Variants in NR6A1 observed in about 807,000 individuals in gnomAD.
NR6A1 encodes nuclear receptor subfamily 6 group A member 1.
A neutral mutation model predicts 59.1 loss-of-function variants in NR6A1; 7 were observed. That is an observed-to-expected ratio of 0.12 (90% CI 0.07 to 0.22). The LOEUF (loss-of-function observed/expected upper bound fraction) is 0.22, where lower values mean the gene tolerates loss of function less well. Ranked by LOEUF, NR6A1 falls within the 10% of genes least tolerant of loss-of-function variation. The pLI, the probability that NR6A1 is intolerant of heterozygous loss-of-function variation, is 1.00. For missense variants in NR6A1, 468 were observed against 611.6 expected, an observed-to-expected ratio of 0.77 and a Z score of 2.48; for synonymous variants, 243 against 236.1, an observed-to-expected ratio of 1.03 and a Z score of -0.27.
In NR6A1 at chr9:124,604,122, G is replaced by A. The variant is rs1024340608; in HGVS notation, c.143-49552C>T. On this transcript the variant is annotated intron_variant, in intron 2 of 9. Coordinates refer to ENST00000487099, the MANE Select transcript of NR6A1 (RefSeq NM_033334.4). ...CCATTTTTATCCAACAAGAAATAAC[G>A]CACATAATCCCAATCTGAGTCAACT... is the stretch of plus-strand genomic sequence containing the variant. 2.6e-5 allele frequency among the ~76,000 whole-genome samples: 4 copies of A among 152,200 alleles called. No individual in the cohort carries two copies. In the South Asian group the frequency reaches 8.3e-4, roughly 32 times the overall value.
chr9:124,742,433 T>A (rs1840198897), intron 1 of NR6A1, among the ~76,000 whole-genome samples: 1 of 151,848 alleles, frequency 6.6e-6, no homozygotes, highest in East Asian at 1.9e-4. Flanking sequence ...TGGTGGCGCA[T>A]GCCTGTAATC....
In NR6A1 at chr9:124,668,286, CAA is replaced by C. The variant is rs200927599; in HGVS notation, c.142+65020_142+65021del. Among the ~76,000 whole-genome samples, 182 of 151,988 alleles carry C rather than the reference CAA, an allele frequency of 1.2e-3. 1 individual carries two copies. The East Asian group carries it at 0.032, about 27-fold the overall frequency. On this transcript the variant is annotated intron_variant, in intron 2 of 9. Transcript: ENST00000487099. ...CTCACTGCCTTCACACTGAGTAGGC[CAA>C]AGAGGAGGAGGAAGAGAAGGGGTTG...
At chr9:124,548,392 G>C (rs1355775485) in intron 3 of NR6A1, among the ~76,000 whole-genome samples, 1 of 152,164 alleles carries the variant, frequency 6.6e-6, no homozygotes, top group African/African-American at 2.4e-5. Flanking sequence ...TGAGGCGGGA[G>C]GATTGCTTGA....
At position 124,518,541 on chromosome 9, in the gene NR6A1, A is replaced by G. The variant is rs1376995068; in HGVS notation, c.*4164T>C. Reference sequence around the variant, plus strand: ...CTTGTCTCCAGGCTAACCAGTTTCCAACACTTGGTGGAATGACTGCCGTTT... The same window carrying G: ...CTTGTCTCCAGGCTAACCAGTTTCCGACACTTGGTGGAATGACTGCCGTTT... On this transcript the variant is annotated 3_prime_UTR_variant, in exon 10 of 10. Transcript: ENST00000487099. 1 of 152,098 alleles carries G rather than the reference A, an allele frequency of 6.6e-6. No individual in the cohort carries two copies. The highest frequency in any genetic ancestry group is 1.5e-5 in the Non-Finnish European group (1 of 68,026). The allele number at this position is 152,098 out of a possible 1,614,324, so 9.4% of individuals were successfully genotyped here.
intron 2 of NR6A1, among the ~76,000 whole-genome samples, chr9:124,584,610 G>C (rs1206361133): frequency 1.3e-5 from 2 of 151,996 alleles, no homozygotes; most frequent in Admixed American, 6.6e-5. Flanking sequence ...TAATTGTTTG[G>C]GGGTGCCACG....
intron 3 of NR6A1, among the ~76,000 whole-genome samples, chr9:124,551,039 C>T (rs970798497): frequency 5.3e-5 from 8 of 152,124 alleles, no homozygotes; most frequent in African/African-American, 1.7e-4. Flanking sequence ...CTTTGATATG[C>T]TTCCTTTCTT....
chr9:124,639,695 TC>T (rs35407711), intron 2 of NR6A1, among the ~76,000 whole-genome samples: 3,522 of 152,242 alleles, frequency 0.023, 111 homozygotes, highest in East Asian at 0.096. Flanking sequence ...GAAGAGTCTT[TC>T]AAGGAGGAGG....
At position 124,601,654 on chromosome 9, in the gene NR6A1, A is replaced by ATG. The variant is rs546891554; in HGVS notation, c.143-47085_143-47084insCA. Among the ~76,000 whole-genome samples the ATG allele has an allele frequency of 4.5e-3, 684 of 151,772 alleles. 6 individuals carry two copies. Among genetic ancestry groups the ATG allele is most frequent in the African/African-American group, 0.015 (638 of 41,454 alleles). On this transcript the variant is annotated intron_variant, in intron 2 of 9. Coordinates refer to ENST00000487099, the MANE Select transcript of NR6A1 (RefSeq NM_033334.4). ...AAGACTATATATAGACTATATATAT[A>ATG]AAGCATATATAGAGTATGCTTACAT...
intron 2 of NR6A1, among the ~76,000 whole-genome samples, chr9:124,662,416 T>C (rs1453702409): frequency 1.3e-5 from 2 of 152,168 alleles, no homozygotes; most frequent in Non-Finnish European, 2.9e-5. Flanking sequence ...CTCTGAAACT[T>C]AGTATCCTTA....
intron 1 of NR6A1, among the ~76,000 whole-genome samples, chr9:124,751,828 G>A (rs1365935382): frequency 6.6e-6 from 1 of 152,154 alleles, no homozygotes; most frequent in Non-Finnish European, 1.5e-5. Context: ...AAAGTACAAA[G>A]TGTTTCCATG....
At chr9:124,630,135 A>G (rs1188760484) in intron 2 of NR6A1, among the ~76,000 whole-genome samples, 2 of 152,042 alleles carry the variant, frequency 1.3e-5, no homozygotes, top group African/African-American at 4.8e-5. Context: ...TTATCATACA[A>G]TATCTAGAAT....
chr9:124,764,139 G>C (rs894451674), intron 1 of NR6A1, among the ~76,000 whole-genome samples: 2 of 150,576 alleles, frequency 1.3e-5, no homozygotes, highest in East Asian at 1.9e-4. Flanking sequence ...AGCAGAGATC[G>C]CACCGCTGCA....
chr9:124,710,907 C>T (rs1839260129), intron 2 of NR6A1, among the ~76,000 whole-genome samples: 1 of 152,146 alleles, frequency 6.6e-6, no homozygotes, highest in African/African-American at 2.4e-5. Context: ...AATTACAGTT[C>T]ATTCAGCATC....
At position 124,519,901 on chromosome 9, in the gene NR6A1, C is replaced by CAAAAAAAAAAAAAA. The variant is rs10639098; in HGVS notation, c.*2790_*2803dup. The CAAAAAAAAAAAAAA allele has an allele frequency of 8.4e-5, 2 of 23,902 alleles. No individual in the cohort carries two copies. Among genetic ancestry groups the CAAAAAAAAAAAAAA allele is most frequent in the African/African-American group, 2.6e-4 (2 of 7,650 alleles). The allele number at this position is 23,902 out of a possible 1,614,324, so 1.5% of individuals were successfully genotyped here. ...TGAGCGACAGAGCGAGACTCCGCCT[C>CAAAAAAAAAAAAAA]AAAAAAAAAAAAAAAAAAAAAAAAA... On this transcript the variant is annotated 3_prime_UTR_variant, in exon 10 of 10. Coordinates refer to ENST00000487099, the MANE Select transcript of NR6A1 (RefSeq NM_033334.4).
chr9:124,711,222 A>T (rs994545001), intron 2 of NR6A1, among the ~76,000 whole-genome samples: 1 of 145,236 alleles, frequency 6.9e-6, no homozygotes, highest in African/African-American at 2.6e-5. Context: ...AAAAGCTGGC[A>T]TCTTTGCCAT....
At chr9:124,680,977 G>A (rs1238341152) in intron 2 of NR6A1, among the ~76,000 whole-genome samples, 1 of 152,176 alleles carries the variant, frequency 6.6e-6, no homozygotes. Context: ...ACACACTACA[G>A]AAAAAAGGAG....
intron 2 of NR6A1, among the ~76,000 whole-genome samples, chr9:124,684,110 G>GC (rs1838254385): frequency 6.6e-6 from 1 of 152,164 alleles, no homozygotes; most frequent in African/African-American, 2.4e-5. Context: ...ACAGACAACA[G>GC]CAAGAAAACA....
intron 2 of NR6A1, among the ~76,000 whole-genome samples, chr9:124,613,610 G>A (rs1588710044): frequency 6.6e-6 from 1 of 152,094 alleles, no homozygotes; most frequent in Non-Finnish European, 1.5e-5. Context: ...GCACTGAGGC[G>A]TGAGCAAGCC....
intron 2 of NR6A1, among the ~76,000 whole-genome samples, chr9:124,645,750 G>A (rs1257483760): frequency 6.6e-6 from 1 of 152,160 alleles, no homozygotes; most frequent in Non-Finnish European, 1.5e-5. Flanking sequence ...GAACTCAACA[G>A]CACTACCAAT....
Sources: allele counts gnomAD v4.1 joint callset (sites outside exome capture counted in the v4.1 genomes callset), GRCh38; gene constraint gnomAD v4.1.1; transcripts MANE v1.5; gene names NCBI Gene and HGNC (gene_info 2026-07-23, HGNC 2026-07-21).